The following CORO2B variants were observed in gnomAD, a reference collection of about 807,000 sequenced individuals.
CORO2B encodes coronin-2B.
CORO2B carries 26 observed loss-of-function variants against 58.8 expected under a neutral mutation model. The ratio of observed to expected loss-of-function variants is 0.44; its 90% CI spans 0.32 to 0.61. CORO2B has a LOEUF of 0.61. Ranked by LOEUF, CORO2B falls within the 20% of genes least tolerant of loss-of-function variation. The pLI is 0.04. For missense variants in CORO2B, 460 were observed against 645.1 expected (o/e 0.71, Z 3.11); for synonymous variants, 242 against 253.8 (o/e 0.95, Z 0.44).
rs564199564 is a variant in CORO2B, at chr15:68,655,424, C to T, written c.216+10064C>T. 3.9e-5 allele frequency among the ~76,000 whole-genome samples: 6 copies of T among 152,294 alleles called. No individual in the cohort carries two copies. In the East Asian group the frequency reaches 1.2e-3, roughly 29 times the overall value. The stretch of plus-strand genomic sequence containing the variant: ...CCCCAGTGCCCCAATCCCAGTCTTA[C>T]ATTGACACAATGCCAGAGTCAGAGG... On this transcript the variant is annotated intron_variant, in intron 2 of 11. Coordinates refer to ENST00000261861, the MANE Select transcript of CORO2B (RefSeq NM_006091.5).
At chr15:68,677,772 G>A (rs1902636555) in intron 2 of CORO2B, among the ~76,000 whole-genome samples, 2 of 152,258 alleles carry the variant, frequency 1.3e-5, no homozygotes, top group African/African-American at 4.8e-5. Context: ...GCCCCATTCT[G>A]TGTGTCTCCT....
At chr15:68,548,189 A>ATATGTG in the CORO2B span, among the ~76,000 whole-genome samples, 314 of 145,130 alleles carry the variant, frequency 2.2e-3, 3 homozygotes, top group South Asian at 9.2e-3. Flanking sequence ...ATATATATAT[A>ATATGTG]TGTGTGTGTG....
the CORO2B span, among the ~76,000 whole-genome samples, chr15:68,567,180 C>T: frequency 6.6e-6 from 1 of 152,192 alleles, no homozygotes; most frequent in East Asian, 1.9e-4. Context: ...AACCCCCCTT[C>T]GGCTCTCAGT....
the CORO2B span, among the ~76,000 whole-genome samples, chr15:68,521,826 C>T: frequency 1.3e-5 from 2 of 151,512 alleles, no homozygotes; most frequent in South Asian, 2.1e-4. Flanking sequence ...ACTGCAGCCT[C>T]GACCTCCCAG....
At chr15:68,550,644 C>A in the CORO2B span, among the ~76,000 whole-genome samples, 1 of 152,174 alleles carries the variant, frequency 6.6e-6, no homozygotes, top group South Asian at 2.1e-4. Context: ...TCTGGGTTCA[C>A]CTTAGAAGGG....
At chr15:68,703,078 C>G (rs753702940) in intron 3 of CORO2B, among the ~76,000 whole-genome samples, 3,894 of 149,062 alleles carry the variant, frequency 0.026, 159 homozygotes, top group African/African-American at 0.089. Context: ...CCACCCGCCT[C>G]GCATCCCAAA....
the CORO2B span, among the ~76,000 whole-genome samples, chr15:68,519,815 A>T: frequency 6.6e-6 from 1 of 152,230 alleles, no homozygotes; most frequent in Non-Finnish European, 1.5e-5. Flanking sequence ...CAGGCTATAC[A>T]TAGCTCTCTA....
chr15:68,576,173 A>AAAAAAAAAAAAAGAAAG (rs1555409381), upstream of CORO2B, among the ~76,000 whole-genome samples: 1 of 103,916 alleles, frequency 9.6e-6, no homozygotes, highest in African/African-American at 4.3e-5. Context: ...AAAAAAAAAA[A>AAAAAAAAAAAAAGAAAG]AAAGAAAGAA....
intron 2 of CORO2B, among the ~76,000 whole-genome samples, chr15:68,679,943 G>A (rs917677154): frequency 1.3e-5 from 2 of 152,212 alleles, no homozygotes; most frequent in African/African-American, 4.8e-5. Flanking sequence ...CTGAAGTTCT[G>A]AGCCAGAGGT....
At chr15:68,668,653 C>G (rs1182763936) in intron 2 of CORO2B, among the ~76,000 whole-genome samples, 1 of 152,088 alleles carries the variant, frequency 6.6e-6, no homozygotes, top group East Asian at 1.9e-4. Flanking sequence ...GCTGGGCTAC[C>G]CAGAACCTTG....
the CORO2B span, among the ~76,000 whole-genome samples, chr15:68,533,994 C>T: frequency 6.6e-6 from 1 of 152,190 alleles, no homozygotes; most frequent in Non-Finnish European, 1.5e-5. Context: ...TCCCTGACCC[C>T]TGGCTTCCTA....
Position 68,634,537 on chromosome 15 carries a change from C to T in CORO2B, c.16-10623C>T, listed in dbSNP as rs1900966611. 2.0e-5 allele frequency among the ~76,000 whole-genome samples: 3 copies of T among 152,304 alleles called. No individual in the cohort carries two copies. In the South Asian group the frequency reaches 6.2e-4, roughly 32 times the overall value. On this transcript the variant is annotated intron_variant, in intron 1 of 11. Transcript: ENST00000261861. The stretch of plus-strand genomic sequence containing the variant: ...GGAGGTAAAGGGACAGATGCAAAGT[C>T]ACAGAGCTGAAGTTTCAGAGGGCCC...
At chr15:68,649,819 G>A (rs1306896844) in intron 2 of CORO2B, among the ~76,000 whole-genome samples, 1 of 152,102 alleles carries the variant, frequency 6.6e-6, no homozygotes, top group Non-Finnish European at 1.5e-5. Flanking sequence ...CTTATTAGAA[G>A]ACAGCTGGCT....
At chr15:68,718,655 C>T (rs1893088137) in intron 8 of CORO2B, 43 bp from the exon 9 acceptor site, 2 of 1,511,732 alleles carry the variant, frequency 1.3e-6, no homozygotes, top group African/African-American at 2.7e-5. Flanking sequence ...CACTGAGACG[C>T]AGTTTCTGGG....
At chr15:68,618,219 C>G (rs1900419049) in intron 1 of CORO2B, among the ~76,000 whole-genome samples, 3 of 152,184 alleles carry the variant, frequency 2.0e-5, no homozygotes, top group Admixed American at 2.0e-4. Context: ...GTCTTTTCTA[C>G]TCTGCTTCAT....
At chr15:68,679,967 C>A (rs1044760750) in intron 2 of CORO2B, among the ~76,000 whole-genome samples, 6 of 152,198 alleles carry the variant, frequency 3.9e-5, no homozygotes, top group Non-Finnish European at 7.3e-5. Flanking sequence ...CTGCCCTGCC[C>A]ACAGATTCCA....
chr15:68,636,519 A>G (rs1013358241), intron 1 of CORO2B, among the ~76,000 whole-genome samples: 1 of 152,192 alleles, frequency 6.6e-6, no homozygotes, highest in East Asian at 1.9e-4. Context: ...CCACTCCCTG[A>G]TAGCATGAGG....
chr15:68,708,048 C>T (rs1480641811), intron 3 of CORO2B, among the ~76,000 whole-genome samples: 1 of 152,042 alleles, frequency 6.6e-6, no homozygotes, highest in African/African-American at 2.4e-5. Flanking sequence ...ATATTTCAAA[C>T]TCTCCCCAAA....
At chr15:68,707,987 C>CT (rs778202393) in intron 3 of CORO2B, among the ~76,000 whole-genome samples, 1 of 151,920 alleles carries the variant, frequency 6.6e-6, no homozygotes, top group Non-Finnish European at 1.5e-5. Flanking sequence ...GAGTCTTGGA[C>CT]TTTACTAGAG....
Sources: gnomAD v4.1 joint callset for allele counts (sites outside exome capture counted in the v4.1 genomes callset) on GRCh38, gnomAD v4.1.1 for gene constraint, MANE v1.5 for transcripts, NCBI Gene and HGNC (gene_info 2026-07-23, HGNC 2026-07-21) for gene names.